The following ADCY3 variants were observed in gnomAD, a reference collection of about 807,000 sequenced individuals.
ADCY3 encodes adenylate cyclase 3, also known as adenylate cyclase type 3.
In ADCY3, 70 loss-of-function variants were observed where a neutral mutation model predicts 119.4. The observed-to-expected ratio is 0.59, with a 90% CI of 0.48 to 0.72. The LOEUF (loss-of-function observed/expected upper bound fraction) is 0.72. ADCY3 is among the 30% of genes least tolerant of loss of function. The pLI, the probability that ADCY3 is intolerant of heterozygous loss-of-function variation, is 0.00. For missense variants in ADCY3, 1,238 were observed against 1,541.6 expected, an observed-to-expected ratio of 0.80 and a Z score of 3.30; for synonymous variants, 672 against 621.4, an observed-to-expected ratio of 1.08 and a Z score of -1.21.
intron 3 of ADCY3, among the ~76,000 whole-genome samples, chr2:24,855,932 G>A (rs368222575): frequency 2.0e-5 from 3 of 152,314 alleles, no homozygotes; most frequent in South Asian, 4.1e-4. Flanking sequence ...GGCCTGGTTC[G>A]CACTGGCTCA....
intron 3 of ADCY3, among the ~76,000 whole-genome samples, chr2:24,843,573 G>A: frequency 6.6e-6 from 1 of 152,254 alleles, no homozygotes; most frequent in Non-Finnish European, 1.5e-5. Flanking sequence ...TGGGGTAGAT[G>A]CGACAGAGAC....
chr2:24,820,420 C>T, intron 21 of ADCY3: 2 of 1,326,428 alleles, frequency 1.5e-6, no homozygotes, highest in Non-Finnish European at 1.9e-6. Context: ...TGTCCCTTTG[C>T]CCCTTTCGTG....
At chr2:24,836,875 A>G (rs1363155457) in intron 9 of ADCY3, 42 bp downstream of exon 9, 1 of 1,568,460 alleles carries the variant, frequency 6.4e-7, no homozygotes, top group Non-Finnish European at 8.6e-7. Flanking sequence ...GCCTGCCCGC[A>G]TCTGGCCCTC....
At chr2:24,832,954 C>T (rs961971564) in intron 11 of ADCY3, among the ~76,000 whole-genome samples, 5 of 152,340 alleles carry the variant, frequency 3.3e-5, no homozygotes, top group African/African-American at 9.6e-5. Flanking sequence ...CTCAACTCCA[C>T]ACTCACGCCC....
rs1328597810 is a variant in ADCY3 at position 24,920,234 on chromosome 2, G to T, written c.-749C>A. Among the ~76,000 whole-genome samples the T allele has an allele frequency of 7.0e-6, 1 of 143,398 alleles. No homozygotes were observed. Among genetic ancestry groups the T allele is most frequent in the Admixed American group, 6.8e-5 (1 of 14,610 alleles). 94.1% of individuals were successfully genotyped at this position (143,398 alleles called of 152,430 possible). Reference sequence around the variant, plus strand: ...CGCCGGCGGCTCCGGGGCCACGCGCGCTCCAGGCCCCGGGAGGCGGGAGGC... The same window carrying T: ...CGCCGGCGGCTCCGGGGCCACGCGCTCTCCAGGCCCCGGGAGGCGGGAGGC... On this transcript the variant is annotated 5_prime_UTR_variant, in exon 1 of 22. Transcript: ENST00000679454. This position sits in a 1 kb window ranked among gnomAD's most constrained non-coding sequence, Gnocchi z 4.5.
intron 2 of ADCY3, among the ~76,000 whole-genome samples, chr2:24,897,218 A>C (rs1573019226): frequency 3.4e-5 from 5 of 146,160 alleles, no homozygotes; most frequent in Non-Finnish European, 6.0e-5. Context: ...ATTCAGCCAC[A>C]CCCTCCTCCT....
intron 8 of ADCY3, 94 bp downstream of exon 8, chr2:24,838,351 C>A (rs532133252): frequency 1.3e-5 from 17 of 1,319,346 alleles, no homozygotes; most frequent in African/African-American, 5.9e-5. Flanking sequence ...GGTCCTGCCA[C>A]CTCTTCTGCA....
At position 24,872,728 on chromosome 2, in the gene ADCY3, CAAGGAAG is replaced by C. The variant is rs756193330; in HGVS notation, c.676-16_676-10del. On this transcript the variant is annotated splice_polypyrimidine_tract_variant and intron_variant, in intron 2 of 21. Transcript: ENST00000679454. The surrounding 1 kb of genome is among the most constrained non-coding windows in gnomAD (Gnocchi z 4.4). ...AAGACGTTGGCCAGGATCTGCACCC[CAAGGAAG>C]AAGAGAGAAAAGGCCAGGGGTGAAG... The C allele has an allele frequency of 3.9e-5, 63 of 1,612,290 alleles. No individual in the cohort carries two copies. Among genetic ancestry groups the C allele is most frequent in the Non-Finnish European group, 5.2e-5 (61 of 1,178,872 alleles).
At chr2:24,860,234 G>A (rs1407504724) in intron 3 of ADCY3, among the ~76,000 whole-genome samples, 3 of 152,186 alleles carry the variant, frequency 2.0e-5, no homozygotes, top group Non-Finnish European at 4.4e-5. Context: ...CGGCTGGGGT[G>A]CTTAGCAACC....
chr2:24,860,773 T>C (rs1264596139), intron 3 of ADCY3, among the ~76,000 whole-genome samples: 1 of 152,182 alleles, frequency 6.6e-6, no homozygotes, highest in Non-Finnish European at 1.5e-5. Context: ...GCTGGTCATC[T>C]TCATAACAGA....
In ADCY3 at chr2:24,841,254, C is replaced by T; in HGVS notation, c.1196+5G>A. ...GAGCCTCCCTCCCAGAGGCATCCCA[C>T]TTACGAGATGGCCTCCACCATGGCC... On this transcript the variant is annotated splice_donor_5th_base_variant and intron_variant, in intron 6 of 21. Coordinates refer to ENST00000679454, the MANE Select transcript of ADCY3 (RefSeq NM_004036.5). The surrounding 1 kb of genome is among the most constrained non-coding windows in gnomAD (Gnocchi z 5.8). The T allele has an allele frequency of 6.4e-7, 1 of 1,554,648 alleles. No homozygotes were observed. Among genetic ancestry groups the T allele is most frequent in the Non-Finnish European group, 8.7e-7 (1 of 1,149,496 alleles).
At chr2:24,850,157 G>C (rs1672125885) in intron 3 of ADCY3, among the ~76,000 whole-genome samples, 1 of 152,018 alleles carries the variant, frequency 6.6e-6, no homozygotes, top group South Asian at 2.1e-4. Context: ...CCCCTGCCCA[G>C]GGGTGTCTGT....
chr2:24,893,193 C>T (rs941852544), intron 2 of ADCY3, among the ~76,000 whole-genome samples: 2 of 152,014 alleles, frequency 1.3e-5, no homozygotes, highest in Non-Finnish European at 2.9e-5. Flanking sequence ...ACCATCACCC[C>T]CAGCTAATTT....
chr2:24,875,953 A>G (rs1406775834), intron 2 of ADCY3, among the ~76,000 whole-genome samples: 2 of 150,066 alleles, frequency 1.3e-5, no homozygotes, highest in Non-Finnish European at 3.0e-5. Flanking sequence ...TCACAACCCC[A>G]TCTTTTCCCA....
At chr2:24,883,480 A>T (rs1676659011) in intron 2 of ADCY3, among the ~76,000 whole-genome samples, 1 of 152,256 alleles carries the variant, frequency 6.6e-6, no homozygotes, top group African/African-American at 2.4e-5. Flanking sequence ...TGGAGTTTTC[A>T]CATGTTCTGA....
intron 3 of ADCY3, among the ~76,000 whole-genome samples, chr2:24,843,726 G>A (rs113641988): frequency 6.6e-5 from 10 of 152,324 alleles, no homozygotes; most frequent in African/African-American, 2.4e-4. Flanking sequence ...GTTCTGAGGC[G>A]CTGTGGGGCC....
chr2:24,882,357 G>C (rs988981404), intron 2 of ADCY3, among the ~76,000 whole-genome samples: 4 of 152,192 alleles, frequency 2.6e-5, no homozygotes, highest in African/African-American at 9.7e-5. Context: ...AGCCCTTAAA[G>C]TAGGGCAGAA....
intron 2 of ADCY3, among the ~76,000 whole-genome samples, chr2:24,895,506 C>G (rs940148944): frequency 6.6e-6 from 1 of 152,134 alleles, no homozygotes; most frequent in African/African-American, 2.4e-5. Flanking sequence ...ATATTTTTTT[C>G]TGTCTTTCTC....
intron 2 of ADCY3, among the ~76,000 whole-genome samples, chr2:24,911,967 C>A (rs1188558671): frequency 6.6e-6 from 1 of 152,170 alleles, no homozygotes. Flanking sequence ...TCAGTTGTCA[C>A]CCATTTCAGT....
Sources: allele counts gnomAD v4.1 joint callset (sites outside exome capture counted in the v4.1 genomes callset), GRCh38; gene constraint gnomAD v4.1.1; non-coding constraint Gnocchi (gnomAD v3.1); transcripts MANE v1.5; gene names NCBI Gene and HGNC (gene_info 2026-07-23, HGNC 2026-07-21).